The following OTOF variants were observed in gnomAD, a reference collection of about 807,000 sequenced individuals.
OTOF encodes the protein fer-1-like family member 2.
Under a neutral mutation model 236.8 loss-of-function variants are expected in OTOF, and 218 were observed. That is an observed-to-expected ratio of 0.92 (90% CI 0.82 to 1.03). OTOF has a LOEUF of 1.03. OTOF is among the 50% of genes least tolerant of loss of function. The pLI is 0.00. For synonymous variants in OTOF, 1,041 were observed against 1,072.5 expected (o/e 0.97, Z 0.57); for missense variants, 2,590 against 2,694.4 (o/e 0.96, Z 0.86).
At chr2:26,521,813 C>T (rs1041165620) in intron 3 of OTOF, among the ~76,000 whole-genome samples, 3 of 152,244 alleles carry the variant, frequency 2.0e-5, no homozygotes, top group African/African-American at 7.2e-5. Context: ...AGGGAGATTC[C>T]ACCTCCTGGC....
intron 16 of OTOF, 74 bp from the exon 17 acceptor site, chr2:26,479,727 G>T: frequency 6.7e-7 from 1 of 1,484,748 alleles, no homozygotes; most frequent in Non-Finnish European, 9.3e-7. Flanking sequence ...ATCCGGTGCT[G>T]CCTTGGGTTT....
intron 5 of OTOF, among the ~76,000 whole-genome samples, chr2:26,515,556 T>C (rs1013368786): frequency 6.6e-6 from 1 of 152,202 alleles, no homozygotes; most frequent in Non-Finnish European, 1.5e-5. Context: ...ATTTAGAACC[T>C]ATGGTTTCTT....
At position 26,462,175 on chromosome 2, in the gene OTOF, C is replaced by T; in HGVS notation, c.5199G>A (p.Glu1733=). ...CTGTGTTCCAGATGATGACCCGCAG[C>T]TCGTACCTGGGCCCAGGGAGAGAAG... ...DISPRKPKKY[E]LRVIIWNTDE... is the part of the protein sequence containing the mutation. Residue 1733 remains glutamate (E), a synonymous_variant, in exon 42 of 47, where the codon GAG becomes GAA. Coordinates refer to ENST00000272371, the MANE Select transcript of OTOF (RefSeq NM_194248.3). This position sits in a 1 kb window ranked among gnomAD's most constrained non-coding sequence, Gnocchi z 4.7. 6.2e-7 allele frequency: 1 copy of T among 1,613,896 alleles called. No homozygotes were observed. Among genetic ancestry groups the T allele is most frequent in the Non-Finnish European group, 8.5e-7 (1 of 1,179,908 alleles).
intron 1 of OTOF, among the ~76,000 whole-genome samples, chr2:26,544,908 G>T (rs1197558896): frequency 6.6e-6 from 1 of 152,006 alleles, no homozygotes; most frequent in South Asian, 2.1e-4. Context: ...AGGCGTGGTG[G>T]TGCGAACCTG....
At chr2:26,521,926 G>A (rs1666685835) in intron 3 of OTOF, among the ~76,000 whole-genome samples, 1 of 152,204 alleles carries the variant, frequency 6.6e-6, no homozygotes. Flanking sequence ...CCGGCACTCG[G>A]ATGCCAGCCC....
Position 26,548,288 on chromosome 2 carries a change from G to A in OTOF, c.79+10205C>T, listed in dbSNP as rs558314191. On this transcript the variant is annotated intron_variant, in intron 1 of 46. Coordinates refer to ENST00000272371, the MANE Select transcript of OTOF (RefSeq NM_194248.3). The stretch of plus-strand genomic sequence containing the variant: ...TTCCTTCCTTTTATACTGTCCTTGG[G>A]TTTAATTTGGTGGGGGGTGTTTGAT... Among the ~76,000 whole-genome samples the A allele has an allele frequency of 2.0e-5, 3 of 152,096 alleles. No individual in the cohort carries two copies. The East Asian group carries it at 5.8e-4, about 29-fold the overall frequency.
intron 3 of OTOF, among the ~76,000 whole-genome samples, chr2:26,524,157 G>A (rs1017791438): frequency 1.3e-5 from 2 of 152,244 alleles, no homozygotes; most frequent in African/African-American, 4.8e-5. Flanking sequence ...GGAAGAAGAG[G>A]AGAGTTAGGA....
At chr2:26,541,564 G>A (rs1275937871) in intron 1 of OTOF, among the ~76,000 whole-genome samples, 1 of 152,224 alleles carries the variant, frequency 6.6e-6, no homozygotes, top group African/African-American at 2.4e-5. Flanking sequence ...GTGGCTGGCA[G>A]TATTCAAGTG....
chr2:26,480,166 C>T (rs777096103), intron 16 of OTOF, 37 bp downstream of exon 16: 75 of 1,243,604 alleles, frequency 6.0e-5, no homozygotes, highest in Non-Finnish European at 8.5e-5. Flanking sequence ...GCCCAGCACT[C>T]ACCTAGGCCC....
intron 2 of OTOF, among the ~76,000 whole-genome samples, chr2:26,528,746 C>T (rs1666870218): frequency 1.3e-5 from 2 of 152,208 alleles, no homozygotes; most frequent in Non-Finnish European, 1.5e-5. Context: ...CTGTTACCTC[C>T]AACCATCACC....
chr2:26,458,073 A>T lies in OTOF; in HGVS notation c.*165T>A. ...CAAGGAGCTTTTTGACCATGTAGCC[A>T]GGGAGGCTGTAGAGGAAGAGCCCCA... On this transcript the variant is annotated 3_prime_UTR_variant, in exon 47 of 47. Coordinates refer to ENST00000272371, the MANE Select transcript of OTOF (RefSeq NM_194248.3). 6.2e-7 allele frequency: 1 copy of T among 1,614,150 alleles called. No homozygotes were observed. The highest frequency in any genetic ancestry group is 1.6e-4 in the Middle Eastern group (1 of 6,062).
chr2:26,531,715 C>A (rs1572483371), intron 2 of OTOF, among the ~76,000 whole-genome samples: 1 of 152,050 alleles, frequency 6.6e-6, no homozygotes, highest in Non-Finnish European at 1.5e-5. Context: ...ATGCTGAGAA[C>A]ACAGCAAGAC....
chr2:26,528,887 G>T (rs1044978410), intron 2 of OTOF, among the ~76,000 whole-genome samples: 1 of 152,236 alleles, frequency 6.6e-6, no homozygotes, highest in East Asian at 1.9e-4. Flanking sequence ...TGCAAGAGGG[G>T]CAGCATGGCA....
chr2:26,506,015 G>A (rs78941381), intron 5 of OTOF, among the ~76,000 whole-genome samples: 1,903 of 152,312 alleles, frequency 0.012, 38 homozygotes, highest in African/African-American at 0.044. Flanking sequence ...AGAAATAATC[G>A]TGTGATGGTG....
chr2:26,522,109 G>T (rs778899479), intron 3 of OTOF, among the ~76,000 whole-genome samples: 1 of 152,166 alleles, frequency 6.6e-6, no homozygotes, highest in Non-Finnish European at 1.5e-5. Context: ...GGACTGGGAC[G>T]CTAGGAGCTT....
chr2:26,499,992 C>T (rs1394457194), intron 8 of OTOF, among the ~76,000 whole-genome samples: 1 of 152,158 alleles, frequency 6.6e-6, no homozygotes, highest in African/African-American at 2.4e-5. Context: ...ATGTCTGGTC[C>T]AGTTAATAAA....
At chr2:26,488,517 C>T (rs1246759180) in intron 11 of OTOF, among the ~76,000 whole-genome samples, 1 of 152,226 alleles carries the variant, frequency 6.6e-6, no homozygotes, top group African/African-American at 2.4e-5. Flanking sequence ...TGTTACCCTA[C>T]AGGACGCCAC....
At position 26,501,818 on chromosome 2, in the gene OTOF, A is replaced by G; in HGVS notation, c.711-10T>C. 1.2e-6 allele frequency: 2 copies of G among 1,610,792 alleles called. No homozygotes were observed. The highest frequency in any genetic ancestry group is 1.7e-6 in the Non-Finnish European group (2 of 1,176,970). On this transcript the variant is annotated splice_polypyrimidine_tract_variant and intron_variant, in intron 7 of 46. Coordinates refer to ENST00000272371, the MANE Select transcript of OTOF (RefSeq NM_194248.3). Reference sequence around the variant, plus strand: ...AATGTCTGGCTTAGATCTGAGGAAGAGAATGTACCATCAGGCCTGGGGTAT... The same window carrying G: ...AATGTCTGGCTTAGATCTGAGGAAGGGAATGTACCATCAGGCCTGGGGTAT...
chr2:26,510,874 C>T, intron 5 of OTOF: 1 of 428,720 alleles, frequency 2.3e-6, no homozygotes, highest in Non-Finnish European at 4.2e-6. Context: ...GTCCCACAGA[C>T]CTCTCACCCC....
Sources: allele counts gnomAD v4.1 joint callset (sites outside exome capture counted in the v4.1 genomes callset), GRCh38; gene constraint gnomAD v4.1.1; non-coding constraint Gnocchi (gnomAD v3.1); transcripts MANE v1.5; gene names NCBI Gene and HGNC (gene_info 2026-07-23, HGNC 2026-07-21).